DCLK1: variants seen among roughly 807,000 people sequenced by gnomAD.
The protein encoded by DCLK1 is serine/threonine-protein kinase DCLK1.
DCLK1 carries 16 observed loss-of-function variants against 86.2 expected under a neutral mutation model. The observed-to-expected ratio is 0.19, with a 90% CI of 0.13 to 0.28. The LOEUF (loss-of-function observed/expected upper bound fraction) is 0.28, where lower values mean the gene tolerates loss of function less well. Among genes scored for constraint, DCLK1 ranks in the 10% least tolerant of loss-of-function variants. The pLI is 1.00. For missense variants in DCLK1, 590 were observed against 940.2 expected, an observed-to-expected ratio of 0.63 and a Z score of 4.87; for synonymous variants, 369 against 370.5, an observed-to-expected ratio of 1.00 and a Z score of 0.05.
intron 3 of DCLK1, among the ~76,000 whole-genome samples, chr13:35,949,703 T>C (rs1877560657): frequency 6.6e-6 from 1 of 152,140 alleles, no homozygotes; most frequent in Non-Finnish European, 1.5e-5. Flanking sequence ...AAAATAACCA[T>C]CATCAAAACT....
intron 14 of DCLK1, among the ~76,000 whole-genome samples, chr13:35,806,145 A>T (rs998033516): frequency 6.6e-6 from 1 of 152,146 alleles, no homozygotes; most frequent in Non-Finnish European, 1.5e-5. Flanking sequence ...AGTCACATTT[A>T]AAAAAACACT....
At chr13:36,100,907 G>T (rs1219251313) in intron 3 of DCLK1, among the ~76,000 whole-genome samples, 1 of 152,090 alleles carries the variant, frequency 6.6e-6, no homozygotes, top group Non-Finnish European at 1.5e-5. Context: ...CTAAATCCTT[G>T]GGCATGTCTA....
chr13:35,960,186 C>A (rs1039115312), intron 3 of DCLK1, among the ~76,000 whole-genome samples: 1 of 152,272 alleles, frequency 6.6e-6, no homozygotes, highest in East Asian at 1.9e-4. Context: ...CCTTTCTCCC[C>A]CCTTAATCCA....
At chr13:36,011,678 T>A (rs1400725063) in intron 3 of DCLK1, among the ~76,000 whole-genome samples, 1 of 152,104 alleles carries the variant, frequency 6.6e-6, no homozygotes, top group East Asian at 1.9e-4. Flanking sequence ...AGGTATGGTG[T>A]GGTGCTGAAA....
intron 3 of DCLK1, among the ~76,000 whole-genome samples, chr13:36,014,282 C>T (rs1363009195): frequency 1.3e-5 from 2 of 152,196 alleles, no homozygotes; most frequent in Non-Finnish European, 2.9e-5. Flanking sequence ...AAACAAAATG[C>T]ATGTTTGAAA....
At chr13:35,906,446 G>C (rs1033989201) in intron 4 of DCLK1, among the ~76,000 whole-genome samples, 3 of 152,116 alleles carry the variant, frequency 2.0e-5, no homozygotes, top group Non-Finnish European at 4.4e-5. Flanking sequence ...TCTGAGGAGA[G>C]AATGGTTACT....
intron 3 of DCLK1, among the ~76,000 whole-genome samples, chr13:35,972,853 A>T (rs1338310511): frequency 6.6e-6 from 1 of 152,196 alleles, no homozygotes; most frequent in Non-Finnish European, 1.5e-5. Flanking sequence ...CTCCTGGTGC[A>T]GTCCTGACCT....
intron 3 of DCLK1, among the ~76,000 whole-genome samples, chr13:36,002,590 T>G (rs1259633902): frequency 6.6e-6 from 1 of 152,218 alleles, no homozygotes; most frequent in Non-Finnish European, 1.5e-5. Flanking sequence ...AGTTTTATAT[T>G]GGGACACAGA....
At chr13:36,048,631 C>T (rs1048344106) in intron 3 of DCLK1, among the ~76,000 whole-genome samples, 1 of 152,152 alleles carries the variant, frequency 6.6e-6, no homozygotes. Flanking sequence ...TGAGGCTGTA[C>T]ATTCAATTCA....
chr13:35,879,252 C>T (rs1872749638), intron 4 of DCLK1, among the ~76,000 whole-genome samples: 1 of 152,178 alleles, frequency 6.6e-6, no homozygotes, highest in Non-Finnish European at 1.5e-5. Context: ...TAAACCAGCA[C>T]TTCCACTGGT....
At chr13:36,104,256 G>C (rs1885318411) in intron 3 of DCLK1, among the ~76,000 whole-genome samples, 1 of 152,194 alleles carries the variant, frequency 6.6e-6, no homozygotes, top group South Asian at 2.1e-4. Flanking sequence ...CTAATGCCGA[G>C]TGGATAGACC....
intron 3 of DCLK1, among the ~76,000 whole-genome samples, chr13:35,995,947 T>TA (rs373804754): frequency 3.9e-5 from 6 of 152,106 alleles, no homozygotes; most frequent in African/African-American, 1.4e-4. Flanking sequence ...TTCTTTTTTT[T>TA]AATTTTTTGA....
intron 5 of DCLK1, among the ~76,000 whole-genome samples, chr13:35,857,698 T>C (rs1266957308): frequency 6.6e-6 from 1 of 152,202 alleles, no homozygotes; most frequent in Non-Finnish European, 1.5e-5. Context: ...GCAATTGGAA[T>C]CCTAATAACC....
intron 5 of DCLK1, among the ~76,000 whole-genome samples, chr13:35,861,188 T>G (rs1010919440): frequency 6.6e-6 from 1 of 152,134 alleles, no homozygotes; most frequent in African/African-American, 2.4e-5. Context: ...GGTGACCCAC[T>G]GAGTGTGGAC....
intron 5 of DCLK1, among the ~76,000 whole-genome samples, chr13:35,867,202 T>C (rs919436120): frequency 4.6e-5 from 7 of 152,202 alleles, no homozygotes. Context: ...TCAGTGCATA[T>C]AGTAATCTCT....
intron 3 of DCLK1, among the ~76,000 whole-genome samples, chr13:35,949,199 A>G (rs1346402258): frequency 6.6e-6 from 1 of 152,260 alleles, no homozygotes; most frequent in Admixed American, 6.5e-5. Context: ...AGAGTTCTAA[A>G]GCCAAACAGA....
At chr13:35,939,077 T>G (rs1481867060) in intron 4 of DCLK1, among the ~76,000 whole-genome samples, 1 of 152,176 alleles carries the variant, frequency 6.6e-6, no homozygotes, top group Non-Finnish European at 1.5e-5. Context: ...TATCACTATG[T>G]TCCGGGACAT....
intron 3 of DCLK1, among the ~76,000 whole-genome samples, chr13:36,060,531 T>C (rs1021296136): frequency 6.6e-6 from 1 of 152,216 alleles, no homozygotes; most frequent in African/African-American, 2.4e-5. Flanking sequence ...AAATACATAA[T>C]CATTAATTTT....
At position 36,109,075 on chromosome 13, in the gene DCLK1, G is replaced by A. The variant is rs187997597; in HGVS notation, c.723+2794C>T. On this transcript the variant is annotated intron_variant, in intron 3 of 16. Transcript: ENST00000360631. ...AGCCAAAAAGATTCTAAAGACTCCTGGGGTCCATGAGGAAGCATCTTTGTT... is the reference window on the plus strand; with the variant it reads ...AGCCAAAAAGATTCTAAAGACTCCTAGGGTCCATGAGGAAGCATCTTTGTT... 5.9e-4 allele frequency among the ~76,000 whole-genome samples: 90 copies of A among 152,306 alleles called. 1 individual carries two copies. The East Asian group carries it at 0.012, about 20-fold the overall frequency.
Sources: gnomAD v4.1 joint callset for allele counts (sites outside exome capture counted in the v4.1 genomes callset) on GRCh38, gnomAD v4.1.1 for gene constraint, MANE v1.5 for transcripts, NCBI Gene and HGNC (gene_info 2026-07-23, HGNC 2026-07-21) for gene names.